Variants in HAVCR1 observed in about 807,000 individuals in gnomAD.
HAVCR1 encodes hepatitis A virus cellular receptor 1.
In HAVCR1, 34 loss-of-function variants were observed where a neutral mutation model predicts 32.0. The observed-to-expected ratio is 1.06, with a 90% confidence interval of 0.81 to 1.42. HAVCR1 has a LOEUF of 1.42. Among genes scored for constraint, HAVCR1 ranks in the 40% most tolerant of loss-of-function variants. HAVCR1 has a pLI of 0.00. For missense variants in HAVCR1, 420 were observed against 442.3 expected, an observed-to-expected ratio of 0.95 and a Z score of 0.45; for synonymous variants, 178 against 170.3, an observed-to-expected ratio of 1.05 and a Z score of -0.35.
upstream of HAVCR1, among the ~76,000 whole-genome samples, chr5:157,061,699 T>C (rs1163639375): frequency 2.1e-5 from 2 of 94,136 alleles, no homozygotes; most frequent in African/African-American, 7.8e-5. Context: ...AGAGTGAGAC[T>C]TCTCAAAAAA....
Position 157,055,235 on chromosome 5 carries a change from G to T in HAVCR1, c.345C>A (p.Asp115Glu). ...CRVEHRGWFN[D>E]MKITVSLEIV... ...TCTCCAATGATACGGTGATTTTCAT[G>T]TCATTGAACCACCCACGGTGCTCAA... The change falls in exon 3 of 9, where the codon GAC (aspartate) becomes GAA (glutamate). Residue 115 changes from aspartate (D) to glutamate (E), a missense_variant. Physicochemically the swap from Asp to Glu is conservative, Grantham distance 45 (BLOSUM62 2). Coordinates refer to ENST00000523175, the MANE Select transcript of HAVCR1 (RefSeq NM_001173393.3). 6.3e-7 allele frequency: 1 copy of T among 1,580,098 alleles called. No homozygotes were observed. The highest frequency in any genetic ancestry group is 8.7e-7 in the Non-Finnish European group (1 of 1,155,630).
intron 4 of HAVCR1, among the ~76,000 whole-genome samples, chr5:157,051,225 C>A (rs1755717071): frequency 6.6e-6 from 1 of 152,078 alleles, no homozygotes; most frequent in Non-Finnish European, 1.5e-5. Context: ...ATTCTAAATC[C>A]CTAAAGCCCT....
intron 5 of HAVCR1, among the ~76,000 whole-genome samples, chr5:157,044,426 A>AT: frequency 5.2e-5 from 1 of 19,382 alleles, no homozygotes; most frequent in African/African-American, 2.7e-4. Context: ...GGAAGGAGAA[A>AT]GAAAGAAAGA....
Position 157,054,052 on chromosome 5 carries a change from T to C in HAVCR1, c.379+1149A>G, listed in dbSNP as rs567165593. On this transcript the variant is annotated intron_variant, in intron 3 of 8. Coordinates refer to ENST00000523175, the MANE Select transcript of HAVCR1 (RefSeq NM_001173393.3). ...TTTAAAAATTAGCCGGGCATGGTGA[T>C]GCACTCCTGTAGTCCCAGCTACTCA... is the stretch of plus-strand genomic sequence containing the variant. 1.2e-3 allele frequency among the ~76,000 whole-genome samples: 187 copies of C among 150,850 alleles called. 1 individual carries two copies. The highest frequency in any genetic ancestry group is 6.8e-3 in the Middle Eastern group (2 of 292).
chr5:157,043,877 C>T (rs539498487), intron 5 of HAVCR1, among the ~76,000 whole-genome samples: 2 of 152,328 alleles, frequency 1.3e-5, no homozygotes, highest in African/African-American at 4.8e-5. Context: ...TGATAACCTA[C>T]ACAACACATT....
Position 157,055,376 on chromosome 5 carries a change from G to C in HAVCR1, c.204C>G (p.His68Gln). The part of the protein sequence containing the change: ...QNGIVWTNGT[H>Q]VTYRKDTRYK... ...AGCGTGTGTCCTTCCGATAGGTGACGTGGGTTCCATTGGTCCAGACAATGC... is the reference window on the plus strand; with the variant it reads ...AGCGTGTGTCCTTCCGATAGGTGACCTGGGTTCCATTGGTCCAGACAATGC... The change falls in exon 3 of 9, where the codon CAC becomes CAG. Residue 68 changes from histidine to glutamine, a missense_variant. Coordinates refer to ENST00000523175, the MANE Select transcript of HAVCR1 (RefSeq NM_001173393.3). 6.2e-7 allele frequency: 1 copy of C among 1,613,664 alleles called. No homozygotes were observed. The highest frequency in any genetic ancestry group is 8.5e-7 in the Non-Finnish European group (1 of 1,179,578).
At chr5:157,035,646 GGT>G (rs1415110970) in intron 7 of HAVCR1, among the ~76,000 whole-genome samples, 14 of 151,918 alleles carry the variant, frequency 9.2e-5, no homozygotes, top group African/African-American at 3.4e-4. Flanking sequence ...GATCTTGTAG[GGT>G]GGAGAAAATA....
chr5:157,047,161 C>T (rs138226685), intron 5 of HAVCR1, among the ~76,000 whole-genome samples: 1 of 152,228 alleles, frequency 6.6e-6, no homozygotes, highest in Non-Finnish European at 1.5e-5. Context: ...CTTTAATTTC[C>T]CCCGCCTTTC....
upstream of HAVCR1, among the ~76,000 whole-genome samples, chr5:157,061,271 T>C (rs955412399): frequency 2.0e-5 from 3 of 151,914 alleles, no homozygotes; most frequent in African/African-American, 7.3e-5. Context: ...CTTCGGGGAG[T>C]TGAGATGGCA....
At chr5:157,041,887 C>T (rs1754919641) in intron 6 of HAVCR1, among the ~76,000 whole-genome samples, 1 of 152,048 alleles carries the variant, frequency 6.6e-6, no homozygotes, top group South Asian at 2.1e-4. Flanking sequence ...GGTGAAACCC[C>T]ACCTCTACTA....
At chr5:157,058,885 A>G (rs1284126237) in intron 1 of HAVCR1, 36 bp downstream of exon 1, 1 of 152,218 alleles carries the variant, frequency 6.6e-6, no homozygotes, top group East Asian at 1.9e-4. Flanking sequence ...ACTTCAAGAG[A>G]ATGCTTCAGG....
At chr5:157,058,035 AC>A in intron 1 of HAVCR1, 80 bp from the exon 2 acceptor site, 1 of 995,348 alleles carries the variant, frequency 1.0e-6, no homozygotes, top group Non-Finnish European at 1.6e-6. Context: ...TCAGATTGCA[AC>A]TTATCTTTTC....
At chr5:157,034,454 G>A (rs758058565) in intron 7 of HAVCR1, among the ~76,000 whole-genome samples, 21 of 151,426 alleles carry the variant, frequency 1.4e-4, no homozygotes, top group African/African-American at 2.4e-4. Context: ...ATGTATGATC[G>A]GGTTTTACAC....
intron 5 of HAVCR1, among the ~76,000 whole-genome samples, chr5:157,044,413 G>GAGA: frequency 1.5e-4 from 5 of 33,660 alleles, no homozygotes; most frequent in African/African-American, 6.4e-4. Context: ...AGGAAGGAAG[G>GAGA]AAGGAAGGAG....
chr5:157,059,492 C>T (rs41297577), upstream of HAVCR1, among the ~76,000 whole-genome samples: 99 of 151,840 alleles, frequency 6.5e-4, no homozygotes, highest in Non-Finnish European at 3.2e-4. Context: ...CTGGCTAACA[C>T]GGTGAAACCC....
rs776921169 is a variant in HAVCR1 at position 157,055,396 on chromosome 5, C to T, written c.184G>A (p.Val62Ile). 2.7e-5 allele frequency: 44 copies of T among 1,613,566 alleles called. No homozygotes were observed. The highest frequency in any genetic ancestry group is 6.8e-6 in the Non-Finnish European group (8 of 1,179,610). ...CSLFTCQNGI[V>I]WTNGTHVTYR... ...GTGACGTGGGTTCCATTGGTCCAGA[C>T]AATGCCATTTTGGCATGTGAATAGA... The change falls in exon 3 of 9, where the codon GTC (valine) becomes ATC (isoleucine). Residue 62 changes from valine to isoleucine, a missense_variant. Physicochemically the swap from Val to Ile is conservative, Grantham distance 29 (BLOSUM62 3). Transcript: ENST00000523175.
intron 8 of HAVCR1, 137 bp from the exon 9 acceptor site, chr5:157,029,978 A>G: frequency 3.1e-6 from 2 of 641,618 alleles, no homozygotes. Context: ...CACAAAGTAT[A>G]AAATAAATAG....
chr5:157,064,190 A>C, the HAVCR1 span, among the ~76,000 whole-genome samples: 1 of 152,156 alleles, frequency 6.6e-6, no homozygotes, highest in Admixed American at 6.5e-5. Context: ...ATGGGTTAGC[A>C]GTGGAAGTGG....
intron 6 of HAVCR1, among the ~76,000 whole-genome samples, chr5:157,040,298 CAA>C (rs67596524): frequency 1.6e-4 from 22 of 141,920 alleles, no homozygotes; most frequent in African/African-American, 2.8e-4. Flanking sequence ...AACTCTGTCT[CAA>C]AAAAAAAAAA....
Sources: gnomAD v4.1 joint callset for allele counts (sites outside exome capture counted in the v4.1 genomes callset) on GRCh38, gnomAD v4.1.1 for gene constraint, MANE v1.5 for transcripts, NCBI Gene and HGNC (gene_info 2026-07-23, HGNC 2026-07-21) for gene names.